FLT1: variants seen among roughly 807,000 people sequenced by gnomAD.
FLT1 encodes the protein fms related receptor tyrosine kinase 1.
A neutral mutation model predicts 156.3 loss-of-function variants in FLT1; 49 were observed. The ratio of observed to expected loss-of-function variants is 0.31; its 90% CI spans 0.25 to 0.40. The LOEUF is 0.40. Among genes scored for constraint, FLT1 ranks in the 10% least tolerant of loss-of-function variants. FLT1 has a pLI of 1.00. For missense variants in FLT1, 1,322 were observed against 1,637.2 expected (o/e 0.81, Z 3.32); for synonymous variants, 594 against 583.8 (o/e 1.02, Z -0.25).
At chr13:28,338,648 G>T (rs1354821092) in intron 17 of FLT1, among the ~76,000 whole-genome samples, 8 of 152,196 alleles carry the variant, frequency 5.3e-5, no homozygotes, top group African/African-American at 1.7e-4. Context: ...TATGTAATTT[G>T]TGGATTTGTG....
rs571431597 is a variant in FLT1, at chr13:28,306,521, T to C, written c.3815+157A>G. On this transcript the variant is annotated intron_variant, in intron 29 of 29. Transcript: ENST00000282397. The stretch of plus-strand genomic sequence containing the variant: ...ATGTCCCGTTTGATGTTCCCCTTTT[T>C]TTGCCCTCTGGGGGGAAATGGTTTT... Among the ~76,000 whole-genome samples the C allele has an allele frequency of 1.4e-4, 21 of 152,256 alleles. No homozygotes were observed. In the East Asian group the frequency reaches 3.5e-3, roughly 25 times the overall value.
In FLT1 at chr13:28,477,694, A is replaced by G. The variant is rs1438167255; in HGVS notation, c.65-10077T>C. Among the ~76,000 whole-genome samples the G allele has an allele frequency of 2.0e-5, 3 of 152,206 alleles. 1 individual carries two copies. The highest frequency in any genetic ancestry group is 2.0e-4 in the Admixed American group (3 of 15,282). ...TGGACACATCTCTGTTTTCTCTATC[A>G]GTGGCAGGACACTTTTACATTTGAA... On this transcript the variant is annotated intron_variant, in intron 1 of 29. Coordinates refer to ENST00000282397, the MANE Select transcript of FLT1 (RefSeq NM_002019.4).
At chr13:28,331,898 T>C (rs964782843) in intron 18 of FLT1, among the ~76,000 whole-genome samples, 2 of 151,950 alleles carry the variant, frequency 1.3e-5, no homozygotes, top group Non-Finnish European at 2.9e-5. Flanking sequence ...ACACATGCAA[T>C]CTGTATTACA....
chr13:28,393,932 G>C (rs529989437), intron 12 of FLT1, among the ~76,000 whole-genome samples: 1 of 152,196 alleles, frequency 6.6e-6, no homozygotes, highest in African/African-American at 2.4e-5. Context: ...TTGAAATGAG[G>C]ACCAGTAAAG....
chr13:28,406,996 C>G (rs1192307247), intron 10 of FLT1, among the ~76,000 whole-genome samples: 1 of 152,134 alleles, frequency 6.6e-6, no homozygotes, highest in Non-Finnish European at 1.5e-5. Context: ...GTTAAACTAT[C>G]GCATCTGCAG....
chr13:28,420,258 G>A (rs1876923338), intron 10 of FLT1, among the ~76,000 whole-genome samples: 1 of 151,710 alleles, frequency 6.6e-6, no homozygotes, highest in African/African-American at 2.4e-5. Context: ...TGTGATGAAA[G>A]CCTCCTGTAT....
chr13:28,342,056 T>TA (rs1429134049), intron 16 of FLT1, among the ~76,000 whole-genome samples: 1 of 152,066 alleles, frequency 6.6e-6, no homozygotes, highest in Non-Finnish European at 1.5e-5. Flanking sequence ...CTAATTTTTG[T>TA]ATTCTTAGTA....
At chr13:28,469,125 C>T (rs1402008654) in intron 1 of FLT1, among the ~76,000 whole-genome samples, 2 of 152,150 alleles carry the variant, frequency 1.3e-5, no homozygotes, top group Non-Finnish European at 2.9e-5. Flanking sequence ...GAATGAGGGG[C>T]CCAGGATTAG....
At chr13:28,475,370 G>T (rs1039276901) in intron 1 of FLT1, among the ~76,000 whole-genome samples, 1 of 152,108 alleles carries the variant, frequency 6.6e-6, no homozygotes, top group African/African-American at 2.4e-5. Context: ...TTTGCATACT[G>T]TGTTTTCAGT....
chr13:28,320,288 G>A (rs1871391615), intron 23 of FLT1, among the ~76,000 whole-genome samples: 1 of 152,132 alleles, frequency 6.6e-6, no homozygotes, highest in Admixed American at 6.5e-5. Flanking sequence ...AGGGCCCCAA[G>A]GAAAGTCTGT....
chr13:28,455,572 T>C (rs941694246), intron 3 of FLT1, among the ~76,000 whole-genome samples: 15 of 152,146 alleles, frequency 9.9e-5, no homozygotes, highest in Non-Finnish European at 2.1e-4. Context: ...TAGATGAACT[T>C]CGGTATGACA....
Position 28,303,157 on chromosome 13 carries a change from G to A in FLT1, c.*10C>T, listed in dbSNP as rs757408558. 30 of 1,606,554 alleles carry A rather than the reference G, an allele frequency of 1.9e-5. No homozygotes were observed. The highest frequency in any genetic ancestry group is 2.2e-5 in the East Asian group (1 of 44,880). On this transcript the variant is annotated 3_prime_UTR_variant, in exon 30 of 30. Transcript: ENST00000282397. Reference sequence around the variant, plus strand: ...CATGTGCTTCTAGAAATAAGGCTTCGTGTCAAACTCTAGATGGGTGGGGTG... The same window carrying A: ...CATGTGCTTCTAGAAATAAGGCTTCATGTCAAACTCTAGATGGGTGGGGTG...
chr13:28,327,839 T>C (rs1244384091), intron 19 of FLT1, among the ~76,000 whole-genome samples: 1 of 151,370 alleles, frequency 6.6e-6, no homozygotes, highest in East Asian at 1.9e-4. Flanking sequence ...AGAAATACGT[T>C]TGAGGAGGGG....
intron 1 of FLT1, among the ~76,000 whole-genome samples, chr13:28,487,810 G>A (rs1593850957): frequency 6.6e-6 from 1 of 152,016 alleles, no homozygotes; most frequent in Non-Finnish European, 1.5e-5. Flanking sequence ...TGAAAACCTG[G>A]CTATTTAATT....
chr13:28,415,449 C>T (rs2137516632), intron 10 of FLT1, among the ~76,000 whole-genome samples: 1 of 152,170 alleles, frequency 6.6e-6, no homozygotes, highest in African/African-American at 2.4e-5. Context: ...CCACTGCACT[C>T]CAGCCTGGGC....
intron 10 of FLT1, among the ~76,000 whole-genome samples, chr13:28,412,730 C>CTTTTTT (rs752528822): frequency 3.1e-4 from 25 of 79,538 alleles, no homozygotes; most frequent in African/African-American, 4.0e-4. Flanking sequence ...CCCTCACGTT[C>CTTTTTT]TTTTTTTTTT....
chr13:28,340,271 T>C (rs780732916), intron 16 of FLT1, among the ~76,000 whole-genome samples: 15 of 152,064 alleles, frequency 9.9e-5, no homozygotes, highest in Non-Finnish European at 2.1e-4. Flanking sequence ...GCATAAGACT[T>C]ATACACAAGC....
chr13:28,351,011 C>A (rs1476790304), intron 15 of FLT1, among the ~76,000 whole-genome samples: 1 of 151,912 alleles, frequency 6.6e-6, no homozygotes, highest in Admixed American at 6.6e-5. Flanking sequence ...TTACTCCAAC[C>A]CTTTTCTTTT....
intron 1 of FLT1, among the ~76,000 whole-genome samples, chr13:28,473,505 C>G (rs896423774): frequency 6.6e-6 from 1 of 151,526 alleles, no homozygotes; most frequent in African/African-American, 2.4e-5. Flanking sequence ...ATTAGCCAGG[C>G]ATGGTGGTGC....
Sources: allele counts gnomAD v4.1 joint callset (sites outside exome capture counted in the v4.1 genomes callset), GRCh38; gene constraint gnomAD v4.1.1; transcripts MANE v1.5; gene names NCBI Gene and HGNC (gene_info 2026-07-23, HGNC 2026-07-21).